Variants in C12orf56 observed in about 807,000 individuals in gnomAD.
C12orf56 encodes the protein chromosome 12 open reading frame 56.
C12orf56 carries 71 observed loss-of-function variants against 69.9 expected under a neutral mutation model. That is an observed-to-expected ratio of 1.02 (90% CI 0.84 to 1.24). C12orf56 has a LOEUF of 1.24. Ranked by LOEUF, C12orf56 falls within the 50% of genes most tolerant of loss-of-function variation. The pLI is 0.00. For missense variants in C12orf56, 732 were observed against 738.5 expected, an observed-to-expected ratio of 0.99 and a Z score of 0.10; for synonymous variants, 276 against 274.1, an observed-to-expected ratio of 1.01 and a Z score of -0.07.
chr12:64,320,952 T>A (rs2038764965), intron 3 of C12orf56, among the ~76,000 whole-genome samples: 1 of 152,238 alleles, frequency 6.6e-6, no homozygotes. Flanking sequence ...AATTTGTGCC[T>A]CATTTCAGCT....
At chr12:64,375,780 T>C (rs567091102) in intron 1 of C12orf56, among the ~76,000 whole-genome samples, 4 of 148,056 alleles carry the variant, frequency 2.7e-5, no homozygotes, top group South Asian at 2.2e-4. Flanking sequence ...TTAAAAAATA[T>C]TGTTCTAAAG....
chr12:64,296,843 A>C (rs2038372008), intron 6 of C12orf56, among the ~76,000 whole-genome samples: 1 of 148,352 alleles, frequency 6.7e-6, no homozygotes, highest in Admixed American at 7.0e-5. Flanking sequence ...GTTTCTGATA[A>C]AAAGATGAGT....
In C12orf56 at chr12:64,277,692, AGACATTCT is replaced by A. The variant is rs1344809649; in HGVS notation, c.1414_1421del (p.Arg472PhefsTer2). ...ATTCTCATCTCACCTCAGCGTCAAAAGACATTCTGACTAAAGCTGAATCAGCCACCAAC... is the reference window on the plus strand; with the variant it reads ...ATTCTCATCTCACCTCAGCGTCAAAAGACTAAAGCTGAATCAGCCACCAAC... On this transcript the variant is annotated frameshift_variant, in exon 9 of 13. Coordinates refer to ENST00000543942, the MANE Select transcript of C12orf56 (RefSeq NM_001170633.2). LOFTEE classifies it high-confidence loss of function. The A allele has an allele frequency of 1.3e-6, 2 of 1,568,038 alleles. No individual in the cohort carries two copies. The highest frequency in any genetic ancestry group is 2.7e-5 in the African/African-American group (2 of 74,150).
intron 3 of C12orf56, 53 bp downstream of exon 3, chr12:64,330,907 G>A (rs1162557532): frequency 1.2e-5 from 17 of 1,400,962 alleles, no homozygotes; most frequent in Non-Finnish European, 1.6e-5. Context: ...AAGTTACAAT[G>A]TAAAAATGTT....
chr12:64,332,394 C>G (rs1027427129), intron 2 of C12orf56, among the ~76,000 whole-genome samples: 7 of 151,670 alleles, frequency 4.6e-5, no homozygotes, highest in African/African-American at 7.3e-5. Context: ...GTTCACATGG[C>G]CAAATGTTTT....
chr12:64,286,077 G>A lies in C12orf56; in HGVS notation c.1114-17C>T. On this transcript the variant is annotated splice_polypyrimidine_tract_variant and intron_variant, in intron 6 of 12. Coordinates refer to ENST00000543942, the MANE Select transcript of C12orf56 (RefSeq NM_001170633.2). ...GTCACTGGTCTGTGAAAGCAAGTTGGAAAAAAAGACAGTAATTAAGGTATC... is the reference window on the plus strand; with the variant it reads ...GTCACTGGTCTGTGAAAGCAAGTTGAAAAAAAAGACAGTAATTAAGGTATC... 4 of 1,475,208 alleles carry A rather than the reference G, an allele frequency of 2.7e-6. No homozygotes were observed. Among genetic ancestry groups the A allele is most frequent in the South Asian group, 2.4e-5 (2 of 82,800 alleles). The allele number at this position is 1,475,208 out of a possible 1,614,324, so 91.4% of individuals were successfully genotyped here. A position where few individuals can be genotyped will look rare whatever the true frequency, so the allele number is the denominator to read the frequency against.
intron 2 of C12orf56, among the ~76,000 whole-genome samples, chr12:64,332,891 C>A (rs1439887043): frequency 6.6e-6 from 1 of 152,230 alleles, no homozygotes; most frequent in Non-Finnish European, 1.5e-5. Context: ...TTTTGCTTCC[C>A]TTTTGATTCC....
chr12:64,308,670 C>CT (rs2038548668), intron 5 of C12orf56, among the ~76,000 whole-genome samples: 1 of 151,462 alleles, frequency 6.6e-6, no homozygotes, highest in South Asian at 2.1e-4. Context: ...TGGTGAAACC[C>CT]TTTCTCTATT....
At chr12:64,280,937 G>A (rs964963153) in intron 8 of C12orf56, among the ~76,000 whole-genome samples, 10 of 152,158 alleles carry the variant, frequency 6.6e-5, no homozygotes, top group Non-Finnish European at 1.2e-4. Context: ...GTTGTTTTAA[G>A]CCACTAAGTT....
chr12:64,343,539 A>T (rs1049464269), intron 2 of C12orf56, among the ~76,000 whole-genome samples: 1 of 152,204 alleles, frequency 6.6e-6, no homozygotes, highest in Admixed American at 6.5e-5. Flanking sequence ...TGCCAAGTCA[A>T]TGGCTGCATA....
chr12:64,309,142 A>G (rs2038573228), intron 5 of C12orf56, among the ~76,000 whole-genome samples: 1 of 152,210 alleles, frequency 6.6e-6, no homozygotes. Flanking sequence ...TTATATAACA[A>G]AGTTTCCCAT....
chr12:64,307,044 C>A (rs1478378478), intron 5 of C12orf56, among the ~76,000 whole-genome samples: 1 of 152,132 alleles, frequency 6.6e-6, no homozygotes, highest in African/African-American at 2.4e-5. Context: ...AGTGGTAGAA[C>A]TCATCCTTCT....
At chr12:64,288,852 T>G (rs1254827310) in intron 6 of C12orf56, among the ~76,000 whole-genome samples, 2 of 151,686 alleles carry the variant, frequency 1.3e-5, no homozygotes, top group Admixed American at 6.6e-5. Context: ...TGGTTCCATA[T>G]GAACTTTAAA....
intron 11 of C12orf56, among the ~76,000 whole-genome samples, chr12:64,272,788 T>C (rs2136745446): frequency 6.6e-6 from 1 of 152,316 alleles, no homozygotes; most frequent in South Asian, 2.1e-4. Context: ...TTGGGGCCTG[T>C]GTGCTACTGA....
intron 2 of C12orf56, among the ~76,000 whole-genome samples, chr12:64,352,069 A>G (rs1426696192): frequency 1.3e-5 from 2 of 151,338 alleles, no homozygotes; most frequent in African/African-American, 4.9e-5. Context: ...TGCCAGCAAA[A>G]GAGTAAAAGG....
intron 3 of C12orf56, among the ~76,000 whole-genome samples, chr12:64,323,565 C>CTTTTTTTTT (rs375927934): frequency 0.38 from 48,289 of 128,116 alleles, 9,828 homozygotes; most frequent in African/African-American, 0.47. Flanking sequence ...CAAACATTTC[C>CTTTTTTTTT]TTTTTTTTTT....
In C12orf56 at chr12:64,267,172, ATTGT is replaced by A. The variant is rs760386513; in HGVS notation, c.*7_*10del. 1.7e-5 allele frequency: 27 copies of A among 1,553,218 alleles called. No individual in the cohort carries two copies. Among genetic ancestry groups the A allele is most frequent in the East Asian group, 1.1e-4 (5 of 44,410 alleles). On this transcript the variant is annotated 3_prime_UTR_variant, in exon 13 of 13. Coordinates refer to ENST00000543942, the MANE Select transcript of C12orf56 (RefSeq NM_001170633.2). ...TTATACTCTTATTAACATTGCGTAC[ATTGT>A]TTGTTTCTATTCAACCAATTTCAGA...
At chr12:64,378,391 T>C (rs369966876) in intron 1 of C12orf56, among the ~76,000 whole-genome samples, 4 of 152,068 alleles carry the variant, frequency 2.6e-5, no homozygotes, top group Admixed American at 1.3e-4. Context: ...ATGGATGAGA[T>C]GAAACCTCTT....
At chr12:64,380,118 A>C (rs1364025690) in intron 1 of C12orf56, among the ~76,000 whole-genome samples, 6 of 84,312 alleles carry the variant, frequency 7.1e-5, no homozygotes, top group Middle Eastern at 5.7e-3. Context: ...AAAAAAAAAA[A>C]AAAAAAAAAA....
Sources: allele counts gnomAD v4.1 joint callset (sites outside exome capture counted in the v4.1 genomes callset), GRCh38; gene constraint gnomAD v4.1.1; transcripts MANE v1.5; gene names NCBI Gene and HGNC (gene_info 2026-07-23, HGNC 2026-07-21).